Variants in SLC30A9 observed in about 807,000 individuals in gnomAD.
SLC30A9 encodes the protein proton-coupled zinc antiporter SLC30A9, mitochondrial.
SLC30A9 carries 58 observed loss-of-function variants against 87.5 expected under a neutral mutation model. The observed-to-expected ratio is 0.66, with a 90% CI of 0.54 to 0.82. The LOEUF (loss-of-function observed/expected upper bound fraction) is 0.82. Ranked by LOEUF, SLC30A9 falls within the 40% of genes least tolerant of loss-of-function variation. SLC30A9 has a pLI of 0.00. For synonymous variants in SLC30A9, 234 were observed against 233.0 expected, an observed-to-expected ratio of 1.00 and a Z score of -0.04; for missense variants, 557 against 679.1, an observed-to-expected ratio of 0.82 and a Z score of 2.00.
intron 9 of SLC30A9, among the ~76,000 whole-genome samples, chr4:42,051,374 A>G (rs1218929290): frequency 1.3e-5 from 2 of 152,234 alleles, no homozygotes; most frequent in South Asian, 2.1e-4. Context: ...TTAGCATCCA[A>G]TAAAAAAGAC....
intron 14 of SLC30A9, among the ~76,000 whole-genome samples, chr4:42,067,862 G>C (rs1477938021): frequency 6.6e-6 from 1 of 152,162 alleles, no homozygotes; most frequent in Admixed American, 6.5e-5. Context: ...GCCAGGTCTG[G>C]TTCCTTCCTG....
At chr4:42,014,118 G>A (rs956726768) in intron 2 of SLC30A9, among the ~76,000 whole-genome samples, 1 of 152,150 alleles carries the variant, frequency 6.6e-6, no homozygotes, top group Non-Finnish European at 1.5e-5. Context: ...GCAAAAAAAG[G>A]TGTATGAAAA....
At chr4:42,029,430 AC>A (rs3842491) in intron 6 of SLC30A9, 474,910 of 645,536 alleles carry the variant, frequency 0.74, 182,609 homozygotes, top group East Asian at 0.98. Flanking sequence ...ACATATCAGG[AC>A]CCCCACCAGG....
chr4:42,082,208 C>T (rs1718764417), intron 17 of SLC30A9, among the ~76,000 whole-genome samples: 4 of 146,760 alleles, frequency 2.7e-5, no homozygotes, highest in African/African-American at 7.5e-5. Flanking sequence ...CAAACCGAGA[C>T]TCCGTCTCAA....
At chr4:42,001,881 G>C in intron 2 of SLC30A9, 101 bp downstream of exon 2, 2 of 704,850 alleles carry the variant, frequency 2.8e-6, no homozygotes, top group Non-Finnish European at 4.6e-6. Context: ...TTATAATACT[G>C]TCTGGACTGA....
intron 4 of SLC30A9, among the ~76,000 whole-genome samples, chr4:42,022,078 G>A (rs1381799516): frequency 1.3e-5 from 1 of 75,636 alleles, no homozygotes; most frequent in African/African-American, 2.8e-5. Context: ...TGGGACTACA[G>A]GCGCCCGCCA....
intron 1 of SLC30A9, among the ~76,000 whole-genome samples, chr4:41,994,925 A>G (rs1714631840): frequency 6.6e-6 from 1 of 151,856 alleles, no homozygotes; most frequent in African/African-American, 2.4e-5. Context: ...GATAAAAGTT[A>G]AATTCTTAGT....
At chr4:42,039,647 G>C (rs1388982066) in intron 8 of SLC30A9, among the ~76,000 whole-genome samples, 1 of 151,958 alleles carries the variant, frequency 6.6e-6, no homozygotes, top group Non-Finnish European at 1.5e-5. Context: ...ATTTTTAGTA[G>C]AGATGGGGTT....
chr4:42,021,193 A>G (rs1012993308), intron 4 of SLC30A9, among the ~76,000 whole-genome samples: 1 of 152,188 alleles, frequency 6.6e-6, no homozygotes, highest in Non-Finnish European at 1.5e-5. Context: ...ACCAATTATA[A>G]TATTGATTTA....
intron 17 of SLC30A9, among the ~76,000 whole-genome samples, chr4:42,081,924 TAA>T (rs1718752354): frequency 6.6e-6 from 1 of 152,098 alleles, no homozygotes; most frequent in South Asian, 2.1e-4. Context: ...GCTAAGATAA[TAA>T]AGCATGGCCG....
In SLC30A9 at chr4:42,029,465, A is replaced by G. The variant is rs377089390; in HGVS notation, c.611-5810A>G. 1.4e-5 allele frequency: 9 copies of G among 655,960 alleles called. No homozygotes were observed. In the African/African-American group the frequency reaches 1.4e-4, roughly 11 times the overall value. 40.6% of individuals were successfully genotyped at this position (655,960 alleles called of 1,614,324 possible). On this transcript the variant is annotated intron_variant, in intron 6 of 17. Coordinates refer to ENST00000264451, the MANE Select transcript of SLC30A9 (RefSeq NM_006345.4). ...GGATTAACACAGATTTCTCAGATCC[A>G]GCAGACTGAAATTGCCTTTCATCCT...
chr4:42,078,399 C>A, intron 17 of SLC30A9, 74 bp downstream of exon 17: 1 of 737,020 alleles, frequency 1.4e-6, no homozygotes, highest in Non-Finnish European at 2.4e-6. Flanking sequence ...ACAGCAGACA[C>A]TAAGTGCATC....
rs1003360901 is a variant in SLC30A9 at position 42,087,478 on chromosome 4, A to G, written c.*1352A>G. ...GGAATGGAAATCTATGAATTATTGC[A>G]AATTGTAATGCTGGAAACAAAAAAT... On this transcript the variant is annotated 3_prime_UTR_variant, in exon 18 of 18. Transcript: ENST00000264451. 2.1e-4 allele frequency: 32 copies of G among 152,192 alleles called. No individual in the cohort carries two copies. Among genetic ancestry groups the G allele is most frequent in the Non-Finnish European group, 2.2e-4 (15 of 68,028 alleles). 9.4% of individuals were successfully genotyped at this position (152,192 alleles called of 1,614,324 possible). A position where few individuals can be genotyped will look rare whatever the true frequency, so the allele number is the denominator to read the frequency against.
chr4:42,072,436 A>C (rs1161126308), intron 15 of SLC30A9, among the ~76,000 whole-genome samples: 1 of 152,092 alleles, frequency 6.6e-6, no homozygotes, highest in Non-Finnish European at 1.5e-5. Flanking sequence ...TCTGCATTCC[A>C]CACATTTCCA....
chr4:42,073,023 G>A lies in SLC30A9; in HGVS notation c.1418+2332G>A, dbSNP rs192427538. On this transcript the variant is annotated intron_variant, in intron 15 of 17. Transcript: ENST00000264451. ...GAGACGAGGTTTCACCACTGGCCAT[G>A]TTGGCCAGGCTGGTCTCAAACTCCT... is the stretch of plus-strand genomic sequence containing the variant. Among the ~76,000 whole-genome samples the A allele has an allele frequency of 3.7e-3, 556 of 150,182 alleles. 2 individuals carry two copies. Among genetic ancestry groups the A allele is most frequent in the Non-Finnish European group, 5.9e-3 (402 of 67,962 alleles).
intron 1 of SLC30A9, among the ~76,000 whole-genome samples, chr4:41,994,434 T>G (rs1577673563): frequency 1.3e-5 from 2 of 151,926 alleles, no homozygotes; most frequent in South Asian, 2.1e-4. Flanking sequence ...TTTCATGTAT[T>G]TATACCTTGC....
In SLC30A9 at chr4:42,075,927, T is replaced by C. The variant is rs558027322; in HGVS notation, c.1548+141T>C. On this transcript the variant is annotated intron_variant, in intron 16 of 17. Transcript: ENST00000264451. ...GGTTCCAAAATTTAACAGAGACCTTTATATTTACTATGGAGGGGTTCAGAG... is the reference window on the plus strand; with the variant it reads ...GGTTCCAAAATTTAACAGAGACCTTCATATTTACTATGGAGGGGTTCAGAG... The C allele has an allele frequency of 2.8e-3, 1,969 of 699,836 alleles. 1 individual carries two copies. The highest frequency in any genetic ancestry group is 3.5e-3 in the Non-Finnish European group (1,491 of 425,274). 43.4% of individuals were successfully genotyped at this position (699,836 alleles called of 1,614,324 possible). A position where few individuals can be genotyped will look rare whatever the true frequency, so the allele number is the denominator to read the frequency against.
At position 42,072,307 on chromosome 4, in the gene SLC30A9, G is replaced by A. The variant is rs182796824; in HGVS notation, c.1418+1616G>A. Reference sequence around the variant, plus strand: ...ATCTTTATTATTTTTTTCCTTCTGCGTGCTTTCAGTTTAGTTTGCTCTTTT... The same window carrying A: ...ATCTTTATTATTTTTTTCCTTCTGCATGCTTTCAGTTTAGTTTGCTCTTTT... On this transcript the variant is annotated intron_variant, in intron 15 of 17. Coordinates refer to ENST00000264451, the MANE Select transcript of SLC30A9 (RefSeq NM_006345.4). Among the ~76,000 whole-genome samples the A allele has an allele frequency of 1.2e-4, 18 of 150,888 alleles. No individual in the cohort carries two copies. The East Asian group carries it at 3.3e-3, about 28-fold the overall frequency.
chr4:42,033,598 C>T (rs754429950), intron 6 of SLC30A9, among the ~76,000 whole-genome samples: 16 of 151,998 alleles, frequency 1.1e-4, no homozygotes, highest in African/African-American at 2.4e-4. Context: ...TTTTTTGAGG[C>T]GGAGTCTCGC....
Sources: gnomAD v4.1 joint callset for allele counts (sites outside exome capture counted in the v4.1 genomes callset) on GRCh38, gnomAD v4.1.1 for gene constraint, MANE v1.5 for transcripts, NCBI Gene and HGNC (gene_info 2026-07-23, HGNC 2026-07-21) for gene names.